Variants in ADAP1 observed in about 807,000 individuals in gnomAD.
The protein encoded by ADAP1 is ArfGAP with dual PH domains 1.
ADAP1 carries 31 observed loss-of-function variants against 54.9 expected under a neutral mutation model. That is an observed-to-expected ratio of 0.56 (90% CI 0.42 to 0.76). ADAP1 has a LOEUF of 0.76. Ranked by LOEUF, ADAP1 falls within the 30% of genes least tolerant of loss-of-function variation. The probability of loss-of-function intolerance (pLI) is 0.00; values close to 1 mark genes in which losing one functional copy is unlikely to be tolerated. For synonymous variants in ADAP1, 313 were observed against 202.6 expected, an observed-to-expected ratio of 1.55 and a Z score of -4.63; for missense variants, 535 against 512.4, an observed-to-expected ratio of 1.04 and a Z score of -0.42.
chr7:932,586 G>A (rs757895018), intron 2 of ADAP1, among the ~76,000 whole-genome samples: 1 of 152,162 alleles, frequency 6.6e-6, no homozygotes, highest in Admixed American at 6.6e-5. Flanking sequence ...CCGGGGAGGG[G>A]GATGGTCCAG....
At chr7:899,324 C>G in intron 9 of ADAP1, 63 bp from the exon 10 acceptor site, 3 of 1,606,586 alleles carry the variant, frequency 1.9e-6, no homozygotes, top group Non-Finnish European at 2.6e-6. Context: ...TCACTCAGGC[C>G]AGGACTCGGG....
intron 4 of ADAP1, among the ~76,000 whole-genome samples, chr7:910,270 CTT>C (rs543799061): frequency 3.4e-5 from 5 of 145,140 alleles, no homozygotes; most frequent in African/African-American, 2.5e-5. Flanking sequence ...GTTTACGAGG[CTT>C]TTTTTTTTTT....
intron 5 of ADAP1, 54 bp downstream of exon 5, chr7:905,006 G>T: frequency 1.3e-6 from 2 of 1,521,022 alleles, no homozygotes; most frequent in Non-Finnish European, 1.8e-6. Flanking sequence ...CAGTGTGGGA[G>T]GCCGGGATGC....
intron 4 of ADAP1, among the ~76,000 whole-genome samples, chr7:919,277 T>G (rs1040083397): frequency 6.6e-6 from 1 of 152,168 alleles, no homozygotes; most frequent in Non-Finnish European, 1.5e-5. Context: ...CTGCCCACAC[T>G]GCTGGAGACA....
Position 898,765 on chromosome 7 carries a change from C to T in ADAP1, c.*156G>A. ...TGCCTTGAGGTTCCAGAGAAGCATC[C>T]TGGAAGCTGAAGCTCGGGCCCTACC... is the stretch of plus-strand genomic sequence containing the variant. On this transcript the variant is annotated 3_prime_UTR_variant, in exon 11 of 11. Coordinates refer to ENST00000265846, the MANE Select transcript of ADAP1 (RefSeq NM_006869.4). The T allele has an allele frequency of 1.0e-6, 1 of 961,986 alleles. No homozygotes were observed. Among genetic ancestry groups the T allele is most frequent in the Non-Finnish European group, 1.6e-6 (1 of 641,714 alleles). 59.6% of individuals were successfully genotyped at this position (961,986 alleles called of 1,614,324 possible).
chr7:927,382 G>A (rs1161135343), intron 2 of ADAP1: 1 of 605,298 alleles, frequency 1.7e-6, no homozygotes, highest in Non-Finnish European at 2.8e-6. Flanking sequence ...TTGAGCAGCA[G>A]GAGGGGCCGC....
intron 4 of ADAP1, chr7:905,547 G>C (rs1454538546): frequency 2.3e-5 from 1 of 44,244 alleles, no homozygotes; most frequent in African/African-American, 9.7e-5. Flanking sequence ...GGAGAAGGGA[G>C]AAGGGAGAAA....
chr7:926,879 A>C lies in ADAP1; in HGVS notation c.214-235T>G. 1 of 949,804 alleles carries C rather than the reference A, an allele frequency of 1.1e-6. No homozygotes were observed. The highest frequency in any genetic ancestry group is 1.5e-6 in the Non-Finnish European group (1 of 681,196). 58.8% of individuals were successfully genotyped at this position (949,804 alleles called of 1,614,324 possible). A position where few individuals can be genotyped will look rare whatever the true frequency, so the allele number is the denominator to read the frequency against. ...CGTCCCTAACGACGGGGTCCCGGCA[A>C]AGGGGGCCCAGGGGCCAGGCCCCTT... On this transcript the variant is annotated intron_variant, in intron 2 of 10. Transcript: ENST00000265846. This position sits in a 1 kb window ranked among gnomAD's most constrained non-coding sequence, Gnocchi z 4.6.
chr7:920,568 C>T lies in ADAP1; in HGVS notation c.306-518G>A, dbSNP rs1276434164. On this transcript the variant is annotated intron_variant, in intron 3 of 10. Transcript: ENST00000265846. The surrounding 1 kb of genome is among the most constrained non-coding windows in gnomAD (Gnocchi z 4.5). ...TGCCGCCCTCCACGTGGTTCTGAGA[C>T]ACAGGACGGAGCTATCAGGGCACCC... is the stretch of plus-strand genomic sequence containing the variant. Among the ~76,000 whole-genome samples, 7 of 152,156 alleles carry T rather than the reference C, an allele frequency of 4.6e-5. No individual in the cohort carries two copies. The highest frequency in any genetic ancestry group is 4.4e-5 in the Non-Finnish European group (3 of 68,004).
intron 1 of ADAP1, among the ~76,000 whole-genome samples, chr7:953,767 G>C (rs891815254): frequency 6.6e-5 from 10 of 152,234 alleles, no homozygotes; most frequent in African/African-American, 2.4e-4. Context: ...CCTGGGAACC[G>C]AGTCAGGGAT....
rs542387425 is a variant in ADAP1, at chr7:907,561, C to T, written c.389-2389G>A. Among the ~76,000 whole-genome samples the T allele has an allele frequency of 2.6e-5, 4 of 152,064 alleles. No homozygotes were observed. The East Asian group carries it at 7.9e-4, about 30-fold the overall frequency. On this transcript the variant is annotated intron_variant, in intron 4 of 10. Coordinates refer to ENST00000265846, the MANE Select transcript of ADAP1 (RefSeq NM_006869.4). Reference sequence around the variant, plus strand: ...ACCCACGTGTGGCCACTCAGAGGGGCGTTCCCATCCCCCCCAGGCCCCGCT... The same window carrying T: ...ACCCACGTGTGGCCACTCAGAGGGGTGTTCCCATCCCCCCCAGGCCCCGCT...
Position 935,476 on chromosome 7 carries a change from C to G in ADAP1, c.112G>C (p.Val38Leu). 25 of 1,563,324 alleles carry G rather than the reference C, an allele frequency of 1.6e-5. No individual in the cohort carries two copies. Among genetic ancestry groups the G allele is most frequent in the Non-Finnish European group, 2.2e-5 (25 of 1,154,048 alleles). ...DPDWASYTLG[V>L]FICLSCSGIH... ...CCCGAGCAGCTCAGGCAGATGAAGA[C>G]GCCCAGAGTGTAGGAGGCCCAGTCG... The change falls in exon 2 of 11, where the codon GTC becomes CTC. Residue 38 changes from valine (V) to leucine (L), a missense_variant. Coordinates refer to ENST00000265846, the MANE Select transcript of ADAP1 (RefSeq NM_006869.4).
intron 4 of ADAP1, among the ~76,000 whole-genome samples, chr7:914,223 G>A (rs1845838637): frequency 6.6e-6 from 1 of 152,198 alleles, no homozygotes; most frequent in Non-Finnish European, 1.5e-5. Flanking sequence ...GAGCCACCTG[G>A]CCCAGGCCTC....
At chr7:935,279 G>A (rs1846716085) in intron 2 of ADAP1, 96 bp downstream of exon 2, 4 of 1,481,136 alleles carry the variant, frequency 2.7e-6, no homozygotes, top group Non-Finnish European at 3.6e-6. Flanking sequence ...AGGCTCCAGG[G>A]GCCACAGCCA....
At chr7:914,537 C>T (rs1055538272) in intron 4 of ADAP1, among the ~76,000 whole-genome samples, 29 of 152,290 alleles carry the variant, frequency 1.9e-4, no homozygotes, top group African/African-American at 6.7e-4. Flanking sequence ...CCTGCTGCTG[C>T]ACCCACCCAG....
intron 6 of ADAP1, among the ~76,000 whole-genome samples, chr7:903,400 A>G (rs921859797): frequency 6.6e-6 from 1 of 152,138 alleles, no homozygotes; most frequent in African/African-American, 2.4e-5. Flanking sequence ...CCGGCAGCTT[A>G]TTTTTGGATA....
chr7:925,352 C>T (rs1447895870), intron 3 of ADAP1, among the ~76,000 whole-genome samples: 1 of 114,340 alleles, frequency 8.7e-6, no homozygotes, highest in African/African-American at 3.5e-5. Flanking sequence ...GAGACCCCGT[C>T]TCTATATTTA....
intron 4 of ADAP1, among the ~76,000 whole-genome samples, chr7:907,177 A>G (rs1223481133): frequency 6.6e-6 from 1 of 152,082 alleles, no homozygotes; most frequent in Non-Finnish European, 1.5e-5. Context: ...CACGCACACC[A>G]CACACAGCCA....
chr7:949,589 G>A (rs985075101), intron 1 of ADAP1, among the ~76,000 whole-genome samples: 1 of 152,240 alleles, frequency 6.6e-6, no homozygotes, highest in South Asian at 2.1e-4. Context: ...CTGCGGTCAC[G>A]GCCGGTGCAG....
Sources: gnomAD v4.1 joint callset for allele counts (sites outside exome capture counted in the v4.1 genomes callset) on GRCh38, gnomAD v4.1.1 for gene constraint, Gnocchi (gnomAD v3.1) non-coding constraint, MANE v1.5 for transcripts, NCBI Gene and HGNC (gene_info 2026-07-23, HGNC 2026-07-21) for gene names.